TGFBR3: variants seen among roughly 807,000 people sequenced by gnomAD.
TGFBR3 encodes the protein transforming growth factor beta receptor type 3.
Under a neutral mutation model 87.9 loss-of-function variants are expected in TGFBR3, and 46 were observed. The observed-to-expected ratio is 0.52, with a 90% CI of 0.41 to 0.67. The LOEUF (loss-of-function observed/expected upper bound fraction) is 0.67. Ranked by LOEUF, TGFBR3 falls within the 30% of genes least tolerant of loss-of-function variation. The pLI is 0.00. For synonymous variants in TGFBR3, 381 were observed against 391.6 expected (o/e 0.97, Z 0.32); for missense variants, 866 against 1,041.9 (o/e 0.83, Z 2.32).
intron 12 of TGFBR3, among the ~76,000 whole-genome samples, chr1:91,714,606 A>G (rs1261156251): frequency 1.3e-5 from 2 of 152,204 alleles, no homozygotes; most frequent in Non-Finnish European, 2.9e-5. Flanking sequence ...AGGATGGGGG[A>G]AAAAACCCAA....
chr1:91,903,657 A>G (rs942382271), intron 1 of TGFBR3, among the ~76,000 whole-genome samples: 2 of 152,052 alleles, frequency 1.3e-5, no homozygotes, highest in African/African-American at 4.8e-5. Context: ...GGATCGTTTG[A>G]GCTTAGGAGT....
rs1056723569 is a variant in TGFBR3, at chr1:91,682,358, T to C, written c.*1381A>G. 6.6e-6 allele frequency: 3 copies of C among 453,110 alleles called. No individual in the cohort carries two copies. The East Asian group carries it at 2.1e-4, about 31-fold the overall frequency. The allele number at this position is 453,110 out of a possible 1,614,324, so 28.1% of individuals were successfully genotyped here. A position where few individuals can be genotyped will look rare whatever the true frequency, so the allele number is the denominator to read the frequency against. ...AAAAGAATAATTTGCAATGAAGCTA[T>C]CTTCAGCAGTAAAATAATTTAGCAT... On this transcript the variant is annotated 3_prime_UTR_variant, in exon 17 of 17. Transcript: ENST00000212355.
intron 3 of TGFBR3, among the ~76,000 whole-genome samples, chr1:91,776,980 T>C (rs1299930659): frequency 6.6e-6 from 1 of 152,140 alleles, no homozygotes; most frequent in Non-Finnish European, 1.5e-5. Flanking sequence ...AAGACCACAT[T>C]CATTCCACAC....
At chr1:91,685,196 T>C (rs941638513) in intron 16 of TGFBR3, among the ~76,000 whole-genome samples, 10 of 152,294 alleles carry the variant, frequency 6.6e-5, no homozygotes, top group African/African-American at 1.7e-4. Flanking sequence ...CTCAAAGTAT[T>C]TATGTGCTTG....
chr1:91,717,663 C>A (rs1428408654), intron 10 of TGFBR3, among the ~76,000 whole-genome samples: 2 of 143,568 alleles, frequency 1.4e-5, no homozygotes, highest in Non-Finnish European at 3.0e-5. Context: ...AAACAGTCTC[C>A]AAAGGGAGTA....
chr1:91,841,522 C>A (rs1162080621), intron 2 of TGFBR3, among the ~76,000 whole-genome samples: 3 of 152,214 alleles, frequency 2.0e-5, no homozygotes, highest in East Asian at 3.9e-4. Flanking sequence ...TGGCCAGGCG[C>A]AGTGGCTTAC....
chr1:91,898,579 GGC>G (rs1679606245), intron 2 of TGFBR3, among the ~76,000 whole-genome samples: 2 of 152,102 alleles, frequency 1.3e-5, no homozygotes, highest in African/African-American at 4.8e-5. Flanking sequence ...TGGGACCACA[GGC>G]GCCCGCCACC....
chr1:91,720,270 G>A, intron 8 of TGFBR3, 40 bp from the exon 9 acceptor site: 1 of 1,532,788 alleles, frequency 6.5e-7, no homozygotes, highest in Non-Finnish European at 8.8e-7. Context: ...AGTGTTTGAT[G>A]CCAGGCCACA....
chr1:91,683,706 G>A lies in TGFBR3; in HGVS notation c.*33C>T, dbSNP rs1670991484. Reference sequence around the variant, plus strand: ...GGCAGTAGCTGAGCTGAGCTGGGCTGGGCTGGGTTGGGCCGGGTTGGGCTG... The same window carrying A: ...GGCAGTAGCTGAGCTGAGCTGGGCTAGGCTGGGTTGGGCCGGGTTGGGCTG... On this transcript the variant is annotated 3_prime_UTR_variant, in exon 17 of 17. Coordinates refer to ENST00000212355, the MANE Select transcript of TGFBR3 (RefSeq NM_003243.5). 2.0e-6 allele frequency: 3 copies of A among 1,513,642 alleles called. No homozygotes were observed. Among genetic ancestry groups the A allele is most frequent in the Non-Finnish European group, 2.7e-6 (3 of 1,126,922 alleles). The allele number at this position is 1,513,642 out of a possible 1,614,324, so 93.8% of individuals were successfully genotyped here.
intron 3 of TGFBR3, among the ~76,000 whole-genome samples, chr1:91,774,575 A>G (rs1204469978): frequency 1.3e-5 from 2 of 152,242 alleles, no homozygotes; most frequent in Admixed American, 1.3e-4. Context: ...TCCCACTGTC[A>G]GGTTCTCAAA....
At position 91,722,053 on chromosome 1, in the gene TGFBR3, T is replaced by C. The variant is rs1338316012; in HGVS notation, c.977A>G (p.Asn326Ser). The C allele has an allele frequency of 6.2e-6, 10 of 1,613,830 alleles. No homozygotes were observed. The highest frequency in any genetic ancestry group is 1.3e-5 in the African/African-American group (1 of 74,928). Residue 326 changes from asparagine to serine, a missense_variant, in exon 8 of 17, where the codon AAT becomes AGT. Transcript: ENST00000212355. ...IRDDIPSTQG[N>S]LVKWALDNGY... ...ATTGTCCAAAGCCCACTTCACCAGA[T>C]TCCCTTGGGTTGAAGGAATGTCATC...
chr1:91,860,327 T>G (rs1329730400), intron 2 of TGFBR3, among the ~76,000 whole-genome samples: 1 of 152,220 alleles, frequency 6.6e-6, no homozygotes, highest in African/African-American at 2.4e-5. Context: ...ATCATTACTA[T>G]CACTCTCATC....
At chr1:91,698,510 ATTC>A (rs1380648964) in intron 14 of TGFBR3, among the ~76,000 whole-genome samples, 1 of 139,940 alleles carries the variant, frequency 7.1e-6, no homozygotes, top group African/African-American at 2.7e-5. Flanking sequence ...CTTTCAAAAT[ATTC>A]TTTTTTTTTT....
chr1:91,850,523 G>A (rs965809188), intron 2 of TGFBR3, among the ~76,000 whole-genome samples: 1 of 152,184 alleles, frequency 6.6e-6, no homozygotes, highest in African/African-American at 2.4e-5. Flanking sequence ...GCTCACGCCT[G>A]TAATCCTGGC....
chr1:91,812,625 G>A (rs1001828910), intron 2 of TGFBR3, among the ~76,000 whole-genome samples: 9 of 151,880 alleles, frequency 5.9e-5, no homozygotes, highest in African/African-American at 1.7e-4. Flanking sequence ...TTTCGGTTTC[G>A]TTTTTGAGGT....
chr1:91,855,997 A>C (rs1287262756), intron 2 of TGFBR3, among the ~76,000 whole-genome samples: 1 of 152,082 alleles, frequency 6.6e-6, no homozygotes, highest in Non-Finnish European at 1.5e-5. Context: ...CACCAAGAGC[A>C]CAGTCCACCC....
chr1:91,883,205 T>C (rs1489720038), intron 1 of TGFBR3, among the ~76,000 whole-genome samples: 1 of 152,136 alleles, frequency 6.6e-6, no homozygotes, highest in East Asian at 1.9e-4. Context: ...GGGGTCTCAC[T>C]ATGTTACCCA....
At chr1:91,746,166 C>T (rs1007059366) in intron 4 of TGFBR3, among the ~76,000 whole-genome samples, 3 of 152,174 alleles carry the variant, frequency 2.0e-5, no homozygotes, top group Non-Finnish European at 4.4e-5. Context: ...CAAACATGCA[C>T]AAACTTGAAC....
At chr1:91,799,656 T>A (rs1675527649) in intron 2 of TGFBR3, among the ~76,000 whole-genome samples, 1 of 152,172 alleles carries the variant, frequency 6.6e-6, no homozygotes, top group South Asian at 2.1e-4. Flanking sequence ...CAAATAAAAA[T>A]GCCTTTCAGT....
Sources: allele counts gnomAD v4.1 joint callset (sites outside exome capture counted in the v4.1 genomes callset), GRCh38; gene constraint gnomAD v4.1.1; transcripts MANE v1.5; gene names NCBI Gene and HGNC (gene_info 2026-07-23, HGNC 2026-07-21).